FCRL5: variants seen among roughly 807,000 people sequenced by gnomAD.
The protein encoded by FCRL5 is Fc receptor-like protein 5.
FCRL5 carries 79 observed loss-of-function variants against 92.1 expected under a neutral mutation model. That is an observed-to-expected ratio of 0.86 (90% confidence interval 0.72 to 1.03). The LOEUF is 1.03. Ranked by LOEUF, FCRL5 falls within the 50% of genes least tolerant of loss-of-function variation. The pLI, the probability that FCRL5 is intolerant of heterozygous loss-of-function variation, is 0.00. For synonymous variants in FCRL5, 466 were observed against 469.3 expected, an observed-to-expected ratio of 0.99 and a Z score of 0.09; for missense variants, 1,160 against 1,181.1, an observed-to-expected ratio of 0.98 and a Z score of 0.26.
intron 7 of FCRL5, among the ~76,000 whole-genome samples, chr1:157,537,947 T>C (rs1246370035): frequency 6.6e-6 from 1 of 152,226 alleles, no homozygotes; most frequent in Non-Finnish European, 1.5e-5. Flanking sequence ...TCTCTATTAC[T>C]TGACTGCATT....
intron 6 of FCRL5, among the ~76,000 whole-genome samples, chr1:157,539,606 T>C (rs1300274959): frequency 2.0e-5 from 3 of 152,360 alleles, no homozygotes; most frequent in African/African-American, 2.4e-5. Flanking sequence ...GGCCCCAAGA[T>C]CTTTACCCTA....
intron 13 of FCRL5, among the ~76,000 whole-genome samples, chr1:157,519,488 T>C (rs1457920536): frequency 6.6e-6 from 1 of 152,160 alleles, no homozygotes; most frequent in Non-Finnish European, 1.5e-5. Context: ...CCAACAATGG[T>C]CCAAGGATGT....
chr1:157,540,591 C>CGGTTT (rs1558138323), intron 6 of FCRL5, among the ~76,000 whole-genome samples: 2 of 151,636 alleles, frequency 1.3e-5, no homozygotes, highest in African/African-American at 4.8e-5. Context: ...TCCTCACAGT[C>CGGTTT]GGTTTCTCCG....
chr1:157,533,116 G>C (rs1019572458), intron 8 of FCRL5: 2 of 151,862 alleles, frequency 1.3e-5, no homozygotes, highest in Non-Finnish European at 1.5e-5. Context: ...CATAATCATA[G>C]GCACATATAT....
In FCRL5 at chr1:157,524,479, C is replaced by T; in HGVS notation, c.2039G>A (p.Cys680Tyr). Residue 680 changes from cysteine (C) to tyrosine (Y), a missense_variant, in exon 10 of 17, where the codon TGT becomes TAT. Coordinates refer to ENST00000361835, the MANE Select transcript of FCRL5 (RefSeq NM_031281.3). ...TGGGGAGGAGCCTCTCAGGGCCTCA[C>T]AGTGAAGCTCCAGCAGGTCCCCCAC... ...AVVGDLLELH[C>Y]EALRGSSPIL... The T allele has an allele frequency of 1.2e-6, 2 of 1,614,196 alleles. No individual in the cohort carries two copies. Among genetic ancestry groups the T allele is most frequent in the Non-Finnish European group, 1.7e-6 (2 of 1,180,016 alleles).
chr1:157,520,825 C>T (rs1350621257), intron 11 of FCRL5, among the ~76,000 whole-genome samples, 192 bp downstream of exon 11: 4 of 152,342 alleles, frequency 2.6e-5, no homozygotes, highest in East Asian at 1.9e-4. Flanking sequence ...GCGCCCAGCC[C>T]GCCAACCCGC....
rs367673881 is a variant in FCRL5, at chr1:157,534,635, C to T, written c.1660G>A (p.Val554Met). 30 of 1,614,108 alleles carry T rather than the reference C, an allele frequency of 1.9e-5. No individual in the cohort carries two copies. The highest frequency in any genetic ancestry group is 2.5e-5 in the Non-Finnish European group (29 of 1,180,058). The stretch of plus-strand genomic sequence containing the variant: ...TTACCAGTGACAAAAAGGCTCACCA[C>T]TTCACTGCGCTGGGGACCAAAGCCA... Reference protein sequence around the residue: ...DNGFGPQRSEVVSLFVTVPVS... With the variant: ...DNGFGPQRSEMVSLFVTVPVS... The change falls in exon 8 of 17, where the codon GTG becomes ATG. Residue 554 changes from valine to methionine, a missense_variant. Physicochemically the swap from Val to Met is conservative, Grantham distance 21 (BLOSUM62 1). Coordinates refer to ENST00000361835, the MANE Select transcript of FCRL5 (RefSeq NM_031281.3).
At chr1:157,546,330 C>T (rs1323132687) in intron 3 of FCRL5, 5 of 424,522 alleles carry the variant, frequency 1.2e-5, no homozygotes, top group Non-Finnish European at 2.3e-5. Flanking sequence ...CTCTTGTAGT[C>T]CTACTTACTA....
intron 7 of FCRL5, among the ~76,000 whole-genome samples, chr1:157,536,974 A>G (rs1650997740): frequency 6.6e-6 from 1 of 152,156 alleles, no homozygotes; most frequent in Admixed American, 6.5e-5. Flanking sequence ...GTGATTTCCT[A>G]TGCCTGTCTT....
Position 157,523,448 on chromosome 1 carries a change from T to C in FCRL5, c.2239+831A>G, listed in dbSNP as rs113289684. ...GTGGGTGTGGAAATTGAGGTCAGTA[T>C]GGGAAGAGGTGCTTGGCCAATGTCA... On this transcript the variant is annotated intron_variant, in intron 10 of 16. Coordinates refer to ENST00000361835, the MANE Select transcript of FCRL5 (RefSeq NM_031281.3). Among the ~76,000 whole-genome samples the C allele has an allele frequency of 1.8e-3, 268 of 152,338 alleles. 1 individual carries two copies. The highest frequency in any genetic ancestry group is 6.3e-3 in the African/African-American group (263 of 41,574).
In FCRL5 at chr1:157,535,004, A is replaced by C; in HGVS notation, c.1403-112T>G. 3.0e-6 allele frequency: 3 copies of C among 1,006,934 alleles called. No homozygotes were observed. The South Asian group carries it at 7.0e-5, about 23-fold the overall frequency. The allele number at this position is 1,006,934 out of a possible 1,614,324, so 62.4% of individuals were successfully genotyped here. On this transcript the variant is annotated intron_variant, in intron 7 of 16. Coordinates refer to ENST00000361835, the MANE Select transcript of FCRL5 (RefSeq NM_031281.3). ...AGTACAGGATCTCTAGACTTCACCT[A>C]CCTGGAGGGCAGCCAAGCAACTTCT...
At position 157,520,379 on chromosome 1, in the gene FCRL5, C is replaced by T. The variant is rs146035176; in HGVS notation, c.2632+52G>A. 8,696 of 1,286,604 alleles carry T rather than the reference C, an allele frequency of 6.8e-3. 44 individuals carry two copies. The highest frequency in any genetic ancestry group is 8.3e-3 in the Middle Eastern group (45 of 5,444). 79.7% of individuals were successfully genotyped at this position (1,286,604 alleles called of 1,614,324 possible). ...AAAGGCAGCATGAAGCCCAAGGGAG[C>T]GTTGCTGGGAAGGGCATGAACTCAA... On this transcript the variant is annotated intron_variant, in intron 12 of 16. Transcript: ENST00000361835.
At chr1:157,521,316 AGC>A (rs1172427419) in intron 10 of FCRL5, 24 bp from the exon 11 acceptor site, 1 of 1,575,792 alleles carries the variant, frequency 6.3e-7, no homozygotes, top group Non-Finnish European at 8.6e-7. Context: ...AAAAGTCAAC[AGC>A]AGTTTCTGCT....
chr1:157,516,275 C>T (rs900386409), intron 15 of FCRL5, among the ~76,000 whole-genome samples: 1 of 152,216 alleles, frequency 6.6e-6, no homozygotes, highest in Non-Finnish European at 1.5e-5. Context: ...TGTCTTGTCA[C>T]CTCCGTGGTT....
chr1:157,527,547 G>T, intron 9 of FCRL5, 70 bp downstream of exon 9: 1 of 1,443,580 alleles, frequency 6.9e-7, no homozygotes, highest in Non-Finnish European at 9.3e-7. Context: ...CTGTACCTCT[G>T]ATCTTGGCTA....
chr1:157,538,472 G>T (rs1382977383), intron 7 of FCRL5, among the ~76,000 whole-genome samples: 1 of 152,208 alleles, frequency 6.6e-6, no homozygotes, highest in Non-Finnish European at 1.5e-5. Context: ...ATAACTATTT[G>T]ACAGTTACCT....
At chr1:157,518,134 AG>A (rs1650010888) in intron 15 of FCRL5, among the ~76,000 whole-genome samples, 2 of 152,328 alleles carry the variant, frequency 1.3e-5, no homozygotes, top group South Asian at 4.1e-4. Flanking sequence ...ACAGTAGGGA[AG>A]TAGTCACAGT....
chr1:157,536,604 T>C (rs1313361558), intron 7 of FCRL5, among the ~76,000 whole-genome samples: 1 of 152,154 alleles, frequency 6.6e-6, no homozygotes, highest in Non-Finnish European at 1.5e-5. Context: ...CTTACTCTGC[T>C]TCTAAGTAGG....
At position 157,534,721 on chromosome 1, in the gene FCRL5, A is replaced by T. The variant is rs750361179; in HGVS notation, c.1574T>A (p.Val525Glu). The change falls in exon 8 of 17, where the codon GTG (valine) becomes GAG (glutamate). Residue 525 changes from valine (V) to glutamate (E), a missense_variant. By Grantham distance (121) the Val-to-Glu change is moderately radical (BLOSUM62 -2). Coordinates refer to ENST00000361835, the MANE Select transcript of FCRL5 (RefSeq NM_031281.3). Reference protein sequence around the residue: ...WSSSTPSVGRVSFSFSLTEGH... With the variant: ...WSSSTPSVGRESFSFSLTEGH... ...TTCAGTCAGAGAGAAGCTGAAGGAC[A>T]CTCTTCCCACAGAGGGTGTTGAGCT... The T allele has an allele frequency of 1.2e-6, 2 of 1,614,030 alleles. No individual in the cohort carries two copies. The highest frequency in any genetic ancestry group is 4.5e-5 in the East Asian group (2 of 44,860).
Sources: gnomAD v4.1 joint callset for allele counts (sites outside exome capture counted in the v4.1 genomes callset) on GRCh38, gnomAD v4.1.1 for gene constraint, MANE v1.5 for transcripts, NCBI Gene and HGNC (gene_info 2026-07-23, HGNC 2026-07-21) for gene names.